NCK2: variants seen among roughly 807,000 people sequenced by gnomAD.
The protein encoded by NCK2 is NCK adaptor protein 2, also known as cytoplasmic protein NCK2.
Under a neutral mutation model 33.9 loss-of-function variants are expected in NCK2, and 16 were observed. The ratio of observed to expected loss-of-function variants is 0.47; its 90% CI spans 0.32 to 0.72. NCK2 has a LOEUF of 0.72. Ranked by LOEUF, NCK2 falls within the 30% of genes least tolerant of loss-of-function variation. The pLI is 0.03. For synonymous variants in NCK2, 273 were observed against 239.9 expected, an observed-to-expected ratio of 1.14 and a Z score of -1.27; for missense variants, 418 against 537.3, an observed-to-expected ratio of 0.78 and a Z score of 2.19.
intron 3 of NCK2, among the ~76,000 whole-genome samples, chr2:105,862,796 T>C (rs1213776592): frequency 6.6e-6 from 1 of 152,214 alleles, no homozygotes; most frequent in African/African-American, 2.4e-5. Context: ...AATAATGTTT[T>C]TTGCGCCGTT....
At position 105,828,351 on chromosome 2, in the gene NCK2, G is replaced by A. The variant is rs13422406; in HGVS notation, c.-17+11738G>A. On this transcript the variant is annotated intron_variant, in intron 2 of 4. Coordinates refer to ENST00000233154, the MANE Select transcript of NCK2 (RefSeq NM_003581.5). ...ATGGCCTAACCATATTTTTGTTGTT[G>A]TTGTTTTGATATACAATTATAATTC... Among the ~76,000 whole-genome samples, 359 of 152,222 alleles carry A rather than the reference G, an allele frequency of 2.4e-3. 2 individuals are homozygous for A. Among genetic ancestry groups the A allele is most frequent in the African/African-American group, 8.2e-3 (342 of 41,546 alleles).
chr2:105,830,801 A>AT (rs879638421), intron 2 of NCK2, among the ~76,000 whole-genome samples: 31 of 150,286 alleles, frequency 2.1e-4, no homozygotes, highest in African/African-American at 4.4e-4. Context: ...GATATTGAGC[A>AT]TTTTTTTTGC....
intron 2 of NCK2, among the ~76,000 whole-genome samples, chr2:105,831,510 G>C (rs1676187302): frequency 6.6e-6 from 1 of 151,226 alleles, no homozygotes; most frequent in African/African-American, 2.4e-5. Flanking sequence ...TCTTCTAGTA[G>C]GTTTATAGTT....
At chr2:105,793,454 C>T (rs904227923) in intron 1 of NCK2, among the ~76,000 whole-genome samples, 1 of 151,440 alleles carries the variant, frequency 6.6e-6, no homozygotes, top group Non-Finnish European at 1.5e-5. Context: ...CTTCTGACCT[C>T]GGGCATCCTG....
At chr2:105,806,973 T>G (rs1433262243) in intron 1 of NCK2, among the ~76,000 whole-genome samples, 1 of 152,216 alleles carries the variant, frequency 6.6e-6, no homozygotes, top group East Asian at 1.9e-4. Context: ...AGCCCATCCC[T>G]TTGTCTAATT....
At chr2:105,891,271 CTT>C (rs778823483) in intron 4 of NCK2, among the ~76,000 whole-genome samples, 1 of 147,804 alleles carries the variant, frequency 6.8e-6, no homozygotes, top group Non-Finnish European at 1.5e-5. Context: ...TGTTTGTTTT[CTT>C]TTTTTTTTTC....
At chr2:105,809,452 C>A (rs890692963) in intron 1 of NCK2, among the ~76,000 whole-genome samples, 1 of 152,124 alleles carries the variant, frequency 6.6e-6, no homozygotes, top group African/African-American at 2.4e-5. Flanking sequence ...CAGACAGATG[C>A]CTTCTTGCTG....
At chr2:105,828,678 G>T (rs192825054) in intron 2 of NCK2, among the ~76,000 whole-genome samples, 2 of 152,330 alleles carry the variant, frequency 1.3e-5, no homozygotes, top group African/African-American at 4.8e-5. Context: ...GTCTCAGCTT[G>T]TCTTTGATCA....
intron 3 of NCK2, among the ~76,000 whole-genome samples, chr2:105,865,406 ACT>A (rs1677706311): frequency 1.3e-5 from 2 of 152,138 alleles, no homozygotes; most frequent in South Asian, 4.2e-4. Flanking sequence ...GTGTGGCCTG[ACT>A]CTGCCTCTTG....
intron 3 of NCK2, among the ~76,000 whole-genome samples, chr2:105,861,490 A>G (rs9646946): frequency 0.93 from 140,354 of 150,642 alleles, 65,451 homozygotes; most frequent in East Asian, 0.98. Flanking sequence ...GATAGTGGCT[A>G]TTGGTGCCGT....
intron 1 of NCK2, among the ~76,000 whole-genome samples, chr2:105,765,853 G>A (rs11681797): frequency 0.34 from 50,952 of 151,292 alleles, 9,701 homozygotes; most frequent in East Asian, 0.46. Context: ...AGGTATGTGT[G>A]TTAGCTGTCT....
intron 1 of NCK2, among the ~76,000 whole-genome samples, chr2:105,805,810 G>A (rs1430689628): frequency 6.6e-6 from 1 of 152,126 alleles, no homozygotes; most frequent in Non-Finnish European, 1.5e-5. Context: ...TCTTGTGTGT[G>A]TATATATATA....
At chr2:105,853,075 G>T (rs1487421545) in intron 2 of NCK2, among the ~76,000 whole-genome samples, 1 of 152,074 alleles carries the variant, frequency 6.6e-6, no homozygotes, top group East Asian at 1.9e-4. Flanking sequence ...ATGTGCATAG[G>T]TCCCCTGTAA....
At chr2:105,868,423 G>T (rs1379681634) in intron 3 of NCK2, among the ~76,000 whole-genome samples, 1 of 152,240 alleles carries the variant, frequency 6.6e-6, no homozygotes, top group Non-Finnish European at 1.5e-5. Context: ...CCTGGAAGCA[G>T]GCCGTGCTGA....
In NCK2 at chr2:105,889,158, TC is replaced by T. The variant is rs1311001700; in HGVS notation, c.949-3822del. ...AGAGTTGTTTTGGGTCGGGAGTAAC[TC>T]CATCTCCATCAGATGCAGGGACTGG... is the stretch of plus-strand genomic sequence containing the variant. On this transcript the variant is annotated intron_variant, in intron 4 of 4. Transcript: ENST00000233154. Among the ~76,000 whole-genome samples, 3 of 152,186 alleles carry T rather than the reference TC, an allele frequency of 2.0e-5. No individual in the cohort carries two copies. The East Asian group carries it at 5.8e-4, about 29-fold the overall frequency.
rs559067220 is a variant in NCK2 at position 105,809,271 on chromosome 2, G to A, written c.-200-7159G>A. Among the ~76,000 whole-genome samples the A allele has an allele frequency of 1.1e-4, 17 of 152,188 alleles. No homozygotes were observed. In the East Asian group the frequency reaches 2.9e-3, roughly 26 times the overall value. On this transcript the variant is annotated intron_variant, in intron 1 of 4. Coordinates refer to ENST00000233154, the MANE Select transcript of NCK2 (RefSeq NM_003581.5). The stretch of plus-strand genomic sequence containing the variant: ...GTTCCTGTTGCGTGTGTCATATGTC[G>A]TGACACATATGTATGGTTGAGTCTC...
At chr2:105,784,168 A>G (rs1046183716) in intron 1 of NCK2, among the ~76,000 whole-genome samples, 3 of 152,194 alleles carry the variant, frequency 2.0e-5, no homozygotes, top group Non-Finnish European at 4.4e-5. Context: ...CAGTGGCGTC[A>G]TCTCTGTTCA....
chr2:105,890,004 G>A (rs1678905896), intron 4 of NCK2, among the ~76,000 whole-genome samples: 1 of 152,086 alleles, frequency 6.6e-6, no homozygotes, highest in African/African-American at 2.4e-5. Context: ...GTGTTCAGTG[G>A]TCATATGTAA....
At chr2:105,858,867 A>G (rs1222691622) in intron 3 of NCK2, among the ~76,000 whole-genome samples, 1 of 152,220 alleles carries the variant, frequency 6.6e-6, no homozygotes, top group Non-Finnish European at 1.5e-5. Flanking sequence ...TTATTTTCAC[A>G]TGGGCAAAAC....
Sources: allele counts gnomAD v4.1 joint callset (sites outside exome capture counted in the v4.1 genomes callset), GRCh38; gene constraint gnomAD v4.1.1; transcripts MANE v1.5; gene names NCBI Gene and HGNC (gene_info 2026-07-23, HGNC 2026-07-21).